The following GK5 variants were observed in gnomAD, a reference collection of about 807,000 sequenced individuals.
The protein encoded by GK5 is glycerol kinase 5.
GK5 carries 39 observed loss-of-function variants against 77.3 expected under a neutral mutation model. The ratio of observed to expected loss-of-function variants is 0.50; its 90% CI spans 0.39 to 0.66. GK5 has a LOEUF of 0.66. Among genes scored for constraint, GK5 ranks in the 30% least tolerant of loss-of-function variants. GK5 has a pLI of 0.00. For missense variants in GK5, 487 were observed against 633.8 expected (o/e 0.77, Z 2.49); for synonymous variants, 211 against 208.0 (o/e 1.01, Z -0.13).
At chr3:142,207,506 ATTC>A (rs1221726890) in intron 3 of GK5, among the ~76,000 whole-genome samples, 1 of 152,274 alleles carries the variant, frequency 6.6e-6, no homozygotes, top group East Asian at 1.9e-4. Context: ...TATATTGTAA[ATTC>A]TTATCTCTGT....
intron 5 of GK5, among the ~76,000 whole-genome samples, chr3:142,191,611 G>T (rs141069667): frequency 1.3e-5 from 2 of 151,984 alleles, no homozygotes; most frequent in Non-Finnish European, 2.9e-5. Flanking sequence ...GCCGAGGCAG[G>T]TGGATCACTT....
chr3:142,209,586 C>T (rs925817208), intron 3 of GK5, among the ~76,000 whole-genome samples: 1 of 152,134 alleles, frequency 6.6e-6, no homozygotes, highest in Non-Finnish European at 1.5e-5. Context: ...TTGTCTTAAA[C>T]CCTTCTAACA....
chr3:142,193,989 C>G (rs1052702477), intron 5 of GK5, among the ~76,000 whole-genome samples: 2 of 152,266 alleles, frequency 1.3e-5, no homozygotes, highest in South Asian at 4.1e-4. Context: ...GATCCACCCC[C>G]CTCGGCCTCC....
At chr3:142,219,793 T>A (rs947649936) in intron 1 of GK5, among the ~76,000 whole-genome samples, 1 of 152,140 alleles carries the variant, frequency 6.6e-6, no homozygotes, top group African/African-American at 2.4e-5. Flanking sequence ...CTGAGCAACA[T>A]GGCAAAACCC....
intron 3 of GK5, among the ~76,000 whole-genome samples, chr3:142,211,177 G>A (rs1269019523): frequency 3.3e-5 from 5 of 152,188 alleles, no homozygotes; most frequent in Non-Finnish European, 7.3e-5. Context: ...ATTTATGGTT[G>A]GTACAAATGG....
rs1407448771 is a variant in GK5, at chr3:142,159,847, C to CTTTTTTTTTTTTTTTTT, written c.*5774_*5775insAAAAAAAAAAAAAAAAA. Reference sequence around the variant, plus strand: ...TGGGGCTTTCTCTCTCTCTCTCTCTCTCTCTCTTTTTTTTTTTTGAGACAG... The same window carrying CTTTTTTTTTTTTTTTTT: ...TGGGGCTTTCTCTCTCTCTCTCTCTCTTTTTTTTTTTTTTTTTTCTCTCTTTTTTTTTTTTGAGACAG... On this transcript the variant is annotated 3_prime_UTR_variant, in exon 16 of 16. Coordinates refer to ENST00000392993, the MANE Select transcript of GK5 (RefSeq NM_001039547.3). The CTTTTTTTTTTTTTTTTT allele has an allele frequency of 1.2e-4, 12 of 103,148 alleles. No homozygotes were observed. Among genetic ancestry groups the CTTTTTTTTTTTTTTTTT allele is most frequent in the African/African-American group, 4.4e-4 (11 of 25,142 alleles). 6.4% of individuals were successfully genotyped at this position (103,148 alleles called of 1,614,324 possible).
At chr3:142,213,085 C>T (rs1242624382) in intron 3 of GK5, among the ~76,000 whole-genome samples, 5 of 151,990 alleles carry the variant, frequency 3.3e-5, no homozygotes, top group African/African-American at 9.7e-5. Flanking sequence ...CCGCCCACCT[C>T]GGCCTCCCAA....
chr3:142,186,420 G>A, intron 7 of GK5, 32 bp downstream of exon 7: 1 of 1,245,014 alleles, frequency 8.0e-7, no homozygotes, highest in Non-Finnish European at 1.1e-6. Context: ...ACAAAAATGT[G>A]TGATTCAAAA....
At chr3:142,218,682 G>A (rs941305168) in intron 1 of GK5, among the ~76,000 whole-genome samples, 31 of 152,042 alleles carry the variant, frequency 2.0e-4, no homozygotes, top group African/African-American at 7.0e-4. Flanking sequence ...TTGTGACTTG[G>A]GGTTAGGCAA....
chr3:142,183,268 A>G, intron 9 of GK5: 1 of 362,550 alleles, frequency 2.8e-6, no homozygotes, highest in Non-Finnish European at 4.9e-6. Context: ...GACATGCCTC[A>G]GGAATTGTTT....
intron 3 of GK5, among the ~76,000 whole-genome samples, chr3:142,210,537 G>A (rs187019138): frequency 2.4e-4 from 36 of 152,202 alleles, no homozygotes; most frequent in Non-Finnish European, 3.2e-4. Context: ...AAGCACAAAG[G>A]CTTTCAGTCT....
chr3:142,169,746 A>T (rs2063513852), intron 15 of GK5, among the ~76,000 whole-genome samples: 1 of 142,238 alleles, frequency 7.0e-6, no homozygotes, highest in Non-Finnish European at 1.5e-5. Flanking sequence ...ATCTCGGCTC[A>T]CTGCAACCTT....
chr3:142,198,765 C>T (rs952963612), intron 5 of GK5, 37 bp downstream of exon 5: 1 of 1,555,772 alleles, frequency 6.4e-7, no homozygotes, highest in African/African-American at 1.4e-5. Flanking sequence ...TTTCCACATA[C>T]ACACATATTT....
chr3:142,213,746 A>G (rs543157855), intron 2 of GK5, 145 bp from the exon 3 acceptor site: 2 of 593,614 alleles, frequency 3.4e-6, no homozygotes, highest in Admixed American at 5.8e-5. Flanking sequence ...GGAATTAACA[A>G]ATAAAGCATT....
intron 3 of GK5, 89 bp from the exon 4 acceptor site, chr3:142,204,877 C>T (rs752914885): frequency 5.7e-6 from 4 of 702,586 alleles, no homozygotes; most frequent in Non-Finnish European, 1.0e-5. Context: ...AATTAGAGGC[C>T]ATACTGTAAT....
At chr3:142,210,378 C>T (rs1048191363) in intron 3 of GK5, among the ~76,000 whole-genome samples, 4 of 152,112 alleles carry the variant, frequency 2.6e-5, no homozygotes, top group African/African-American at 9.7e-5. Flanking sequence ...ACAATTAGTG[C>T]TTCTGGCTGG....
intron 1 of GK5, among the ~76,000 whole-genome samples, chr3:142,216,047 C>T (rs1328797734): frequency 6.6e-6 from 1 of 152,200 alleles, no homozygotes. Flanking sequence ...AGTAAGCACA[C>T]TCCACCCTGT....
At position 142,157,806 on chromosome 3, in the gene GK5, G is replaced by C. The variant is rs950339230; in HGVS notation, c.*7816C>G. 6.6e-6 allele frequency: 1 copy of C among 152,058 alleles called. No homozygotes were observed. Among genetic ancestry groups the C allele is most frequent in the African/African-American group, 2.4e-5 (1 of 41,416 alleles). The allele number at this position is 152,058 out of a possible 1,614,324, so 9.4% of individuals were successfully genotyped here. On this transcript the variant is annotated 3_prime_UTR_variant, in exon 16 of 16. Transcript: ENST00000392993. Reference sequence around the variant, plus strand: ...CCATCGTGCAAGAATGTAGAATATAGACTAATAAGCCTAAATAGGATCTAA... The same window carrying C: ...CCATCGTGCAAGAATGTAGAATATACACTAATAAGCCTAAATAGGATCTAA...
chr3:142,162,545 AT>A lies in GK5; in HGVS notation c.*3076del, dbSNP rs2063433571. ...TAAAAGCAATTAGTAGCACTTTAAG[AT>A]AGATTGAACAGGAACATTCTCTTCC... On this transcript the variant is annotated 3_prime_UTR_variant, in exon 16 of 16. Transcript: ENST00000392993. 1 of 152,258 alleles carries A rather than the reference AT, an allele frequency of 6.6e-6. No homozygotes were observed. The highest frequency in any genetic ancestry group is 2.4e-5 in the African/African-American group (1 of 41,466). 9.4% of individuals were successfully genotyped at this position (152,258 alleles called of 1,614,324 possible).
Sources: gnomAD v4.1 joint callset for allele counts (sites outside exome capture counted in the v4.1 genomes callset) on GRCh38, gnomAD v4.1.1 for gene constraint, MANE v1.5 for transcripts, NCBI Gene and HGNC (gene_info 2026-07-23, HGNC 2026-07-21) for gene names.